ARHGEF3: variants seen among roughly 807,000 people sequenced by gnomAD.
ARHGEF3 encodes the protein 59.8 kDA protein.
Under a neutral mutation model 63.2 loss-of-function variants are expected in ARHGEF3, and 28 were observed. That is an observed-to-expected ratio of 0.44 (90% CI 0.33 to 0.61). ARHGEF3 has a LOEUF of 0.61. Among genes scored for constraint, ARHGEF3 ranks in the 20% least tolerant of loss-of-function variants. The pLI is 0.03. For synonymous variants in ARHGEF3, 266 were observed against 254.2 expected, an observed-to-expected ratio of 1.05 and a Z score of -0.44; for missense variants, 533 against 659.3, an observed-to-expected ratio of 0.81 and a Z score of 2.10.
chr3:56,729,133 C>G lies in ARHGEF3; in HGVS notation c.*137G>C. The G allele has an allele frequency of 1.4e-6, 1 of 722,064 alleles. No homozygotes were observed. The highest frequency in any genetic ancestry group is 2.2e-6 in the Non-Finnish European group (1 of 447,926). 44.7% of individuals were successfully genotyped at this position (722,064 alleles called of 1,614,324 possible). A position where few individuals can be genotyped will look rare whatever the true frequency, so the allele number is the denominator to read the frequency against. ...AGTTACAGTACTAGGGACAAAGGTACAGATACGAGAGACTGGGCCAACATG... is the reference window on the plus strand; with the variant it reads ...AGTTACAGTACTAGGGACAAAGGTAGAGATACGAGAGACTGGGCCAACATG... On this transcript the variant is annotated 3_prime_UTR_variant, in exon 10 of 10. Coordinates refer to ENST00000296315, the MANE Select transcript of ARHGEF3 (RefSeq NM_019555.3).
chr3:56,797,796 T>G (rs923561393), intron 1 of ARHGEF3, among the ~76,000 whole-genome samples: 1 of 152,232 alleles, frequency 6.6e-6, no homozygotes, highest in Non-Finnish European at 1.5e-5. Flanking sequence ...GTGCTCAAGG[T>G]TATACTTAAA....
intron 6 of ARHGEF3, 114 bp from the exon 7 acceptor site, chr3:56,745,576 T>G: frequency 1.6e-6 from 2 of 1,240,340 alleles, no homozygotes; most frequent in Non-Finnish European, 2.2e-6. Flanking sequence ...TGGGTCTGGC[T>G]GACATTCCTT....
intron 4 of ARHGEF3, among the ~76,000 whole-genome samples, chr3:56,876,399 G>T (rs1023400677): frequency 9.9e-5 from 15 of 152,162 alleles, no homozygotes; most frequent in African/African-American, 1.4e-4. Flanking sequence ...CGGCCTCAAT[G>T]AGGGTCTTGC....
At chr3:56,983,598 C>T (rs1052070175) in intron 2 of ARHGEF3, among the ~76,000 whole-genome samples, 1 of 152,214 alleles carries the variant, frequency 6.6e-6, no homozygotes, top group Non-Finnish European at 1.5e-5. Flanking sequence ...AACACAGCCC[C>T]CTTCTGCAGG....
intron 4 of ARHGEF3, among the ~76,000 whole-genome samples, chr3:56,815,682 T>C (rs1240737149): frequency 2.0e-5 from 3 of 152,220 alleles, no homozygotes; most frequent in Non-Finnish European, 2.9e-5. Context: ...TATACCACTG[T>C]CACTTAAAAA....
At chr3:56,769,677 A>G (rs921576957) in intron 2 of ARHGEF3, among the ~76,000 whole-genome samples, 1 of 152,208 alleles carries the variant, frequency 6.6e-6, no homozygotes, top group African/African-American at 2.4e-5. Flanking sequence ...CTCCTGGGCT[A>G]ACTTGTGGTC....
chr3:57,003,394 G>A (rs183178104), intron 2 of ARHGEF3, among the ~76,000 whole-genome samples: 20 of 69,798 alleles, frequency 2.9e-4, no homozygotes, highest in African/African-American at 1.2e-3. Context: ...GAAGCGAGAC[G>A]CCGTCTCAAA....
chr3:57,074,185 A>T, intron 1 of ARHGEF3: 2 of 1,614,178 alleles, frequency 1.2e-6, no homozygotes, highest in Non-Finnish European at 1.7e-6. Context: ...AGCCGTTCAA[A>T]CCAACTGACA....
chr3:56,793,239 G>A (rs2037178914), intron 1 of ARHGEF3, among the ~76,000 whole-genome samples: 1 of 148,192 alleles, frequency 6.7e-6, no homozygotes, highest in Non-Finnish European at 1.5e-5. Context: ...GCGCAATCTC[G>A]GCTCACTGCA....
chr3:56,824,710 C>T (rs931402679), intron 4 of ARHGEF3, among the ~76,000 whole-genome samples: 1 of 152,174 alleles, frequency 6.6e-6, no homozygotes, highest in Non-Finnish European at 1.5e-5. Flanking sequence ...CACGTGCTTG[C>T]CTTCTTTCCT....
At chr3:56,928,107 T>C (rs1475946804) in intron 3 of ARHGEF3, among the ~76,000 whole-genome samples, 1 of 152,084 alleles carries the variant, frequency 6.6e-6, no homozygotes, top group East Asian at 1.9e-4. Flanking sequence ...CAGGAGAGTA[T>C]TAACCAACAT....
chr3:56,742,817 A>G (rs1445441386), intron 7 of ARHGEF3, among the ~76,000 whole-genome samples: 1 of 152,250 alleles, frequency 6.6e-6, no homozygotes, highest in Non-Finnish European at 1.5e-5. Flanking sequence ...ACAGCTTCAT[A>G]CTTTATGCAC....
intron 3 of ARHGEF3, among the ~76,000 whole-genome samples, chr3:56,943,114 C>G (rs1425466057): frequency 3.9e-5 from 6 of 152,174 alleles, no homozygotes; most frequent in Admixed American, 6.5e-5. Flanking sequence ...GGTGGTGACA[C>G]TAAACAACAG....
chr3:56,751,285 G>A lies in ARHGEF3; in HGVS notation c.535+15C>T, dbSNP rs947466292. ...AGGCTACAAGTCACGACTCATCCTG[G>A]GAACAAAATTATACCTTCATGTAGA... On this transcript the variant is annotated intron_variant, in intron 5 of 9. Transcript: ENST00000296315. The A allele has an allele frequency of 6.2e-7, 1 of 1,602,322 alleles. No individual in the cohort carries two copies. The highest frequency in any genetic ancestry group is 1.3e-5 in the African/African-American group (1 of 74,726).
chr3:56,769,140 A>C (rs1294325035), intron 2 of ARHGEF3, among the ~76,000 whole-genome samples: 6 of 152,260 alleles, frequency 3.9e-5, no homozygotes, highest in Non-Finnish European at 7.3e-5. Context: ...AAAAAGTGCA[A>C]GTCCAAAGAG....
chr3:56,965,017 C>T (rs1560089330), intron 2 of ARHGEF3, among the ~76,000 whole-genome samples: 1 of 152,102 alleles, frequency 6.6e-6, no homozygotes, highest in Non-Finnish European at 1.5e-5. Flanking sequence ...CTTTGGGTGG[C>T]CAAGGAAGGA....
intron 2 of ARHGEF3, among the ~76,000 whole-genome samples, chr3:57,030,326 C>T (rs549580998): frequency 4.6e-5 from 7 of 152,170 alleles, no homozygotes; most frequent in East Asian, 1.9e-4. Context: ...TCAACACATA[C>T]GGAAGAGGTG....
intron 3 of ARHGEF3, among the ~76,000 whole-genome samples, chr3:56,889,935 G>A (rs72870527): frequency 0.024 from 3,613 of 152,020 alleles, 139 homozygotes; most frequent in African/African-American, 0.078. Flanking sequence ...GGTAGCGTGC[G>A]CCTGTAATCA....
At chr3:56,940,046 A>G (rs1281985204) in intron 3 of ARHGEF3, 1 of 152,130 alleles carries the variant, frequency 6.6e-6, no homozygotes, top group African/African-American at 2.4e-5. Context: ...TGAGAGAGAG[A>G]GAAGGCTGTC....
Sources: allele counts gnomAD v4.1 joint callset (sites outside exome capture counted in the v4.1 genomes callset), GRCh38; gene constraint gnomAD v4.1.1; transcripts MANE v1.5; gene names NCBI Gene and HGNC (gene_info 2026-07-23, HGNC 2026-07-21).